Variants in ADAMTS3 observed in about 807,000 individuals in gnomAD.
The protein encoded by ADAMTS3 is ADAM metallopeptidase with thrombospondin type 1 motif 3.
Under a neutral mutation model 129.0 loss-of-function variants are expected in ADAMTS3, and 73 were observed. The observed-to-expected ratio is 0.57, with a 90% CI of 0.47 to 0.69. The LOEUF (loss-of-function observed/expected upper bound fraction) is 0.69, where lower values mean the gene tolerates loss of function less well. ADAMTS3 is among the 30% of genes least tolerant of loss of function. ADAMTS3 has a pLI of 0.00. For missense variants in ADAMTS3, 1,457 were observed against 1,514.5 expected (o/e 0.96, Z 0.63); for synonymous variants, 477 against 510.8 (o/e 0.93, Z 0.89).
chr4:72,470,361 T>TTATATATATATATATATATATA (rs143241307), intron 3 of ADAMTS3, among the ~76,000 whole-genome samples: 8 of 116,480 alleles, frequency 6.9e-5, no homozygotes, highest in African/African-American at 2.4e-4. Flanking sequence ...TATTTTAAGT[T>TTATATATATATATATATATATA]TATATATATA....
intron 3 of ADAMTS3, among the ~76,000 whole-genome samples, chr4:72,430,537 G>T (rs1722672440): frequency 6.6e-6 from 1 of 151,950 alleles, no homozygotes; most frequent in Non-Finnish European, 1.5e-5. Flanking sequence ...TCCCAGGCGA[G>T]GAACCCAGAC....
intron 21 of ADAMTS3, among the ~76,000 whole-genome samples, chr4:72,284,544 A>G (rs906438819): frequency 2.6e-5 from 4 of 152,176 alleles, no homozygotes; most frequent in Non-Finnish European, 5.9e-5. Context: ...AAATTTGGGT[A>G]AAGTATGCCA....
intron 3 of ADAMTS3, among the ~76,000 whole-genome samples, chr4:72,532,345 AT>A (rs1267897695): frequency 6.6e-6 from 1 of 152,166 alleles, no homozygotes; most frequent in East Asian, 1.9e-4. Context: ...CCTATTGCAT[AT>A]TCCTCAAATG....
At chr4:72,362,275 G>A (rs1209283181) in intron 4 of ADAMTS3, among the ~76,000 whole-genome samples, 1 of 152,044 alleles carries the variant, frequency 6.6e-6, no homozygotes, top group Non-Finnish European at 1.5e-5. Flanking sequence ...GAAGCAATGA[G>A]AAGTCAACTG....
At chr4:72,310,999 G>A (rs377403196) in intron 14 of ADAMTS3, 49 bp downstream of exon 14, 9 of 1,494,974 alleles carry the variant, frequency 6.0e-6, no homozygotes, top group Non-Finnish European at 8.1e-6. Context: ...ATGAATGACA[G>A]TAAACGTAGA....
At chr4:72,352,757 A>T (rs560177656) in intron 4 of ADAMTS3, among the ~76,000 whole-genome samples, 1 of 152,168 alleles carries the variant, frequency 6.6e-6, no homozygotes, top group African/African-American at 2.4e-5. Context: ...CACAGATATT[A>T]GACATGGAGA....
chr4:72,456,484 C>T (rs995401152), intron 3 of ADAMTS3, among the ~76,000 whole-genome samples: 1 of 147,598 alleles, frequency 6.8e-6, no homozygotes, highest in African/African-American at 2.5e-5. Flanking sequence ...AAGTTTCTGG[C>T]TCCACAAAAC....
intron 3 of ADAMTS3, among the ~76,000 whole-genome samples, chr4:72,467,128 C>T (rs928883943): frequency 8.5e-5 from 13 of 152,074 alleles, no homozygotes; most frequent in Non-Finnish European, 1.8e-4. Context: ...TTTCCATAGT[C>T]AGCCAAACCT....
intron 17 of ADAMTS3, among the ~76,000 whole-genome samples, chr4:72,302,612 C>T (rs983155110): frequency 6.6e-6 from 1 of 151,878 alleles, no homozygotes; most frequent in Admixed American, 6.6e-5. Flanking sequence ...GGGAAATTTA[C>T]CCAAATTTGG....
intron 3 of ADAMTS3, among the ~76,000 whole-genome samples, chr4:72,452,488 T>C (rs1216359213): frequency 6.6e-6 from 1 of 151,756 alleles, no homozygotes; most frequent in Non-Finnish European, 1.5e-5. Context: ...CTAGATATAA[T>C]TGTATGCTTG....
At chr4:72,519,700 A>T (rs1430387175) in intron 3 of ADAMTS3, among the ~76,000 whole-genome samples, 1 of 152,086 alleles carries the variant, frequency 6.6e-6, no homozygotes, top group Non-Finnish European at 1.5e-5. Context: ...AGCTCCTTTA[A>T]GCACTTCTCT....
At chr4:72,524,429 T>C (rs957947156) in intron 3 of ADAMTS3, among the ~76,000 whole-genome samples, 21 of 150,332 alleles carry the variant, frequency 1.4e-4, no homozygotes, top group Middle Eastern at 3.4e-3. Context: ...TATAACAAAC[T>C]GAGTACAGCT....
In ADAMTS3 at chr4:72,548,886, T is replaced by C. The variant is rs1306775971; in HGVS notation, c.98-2A>G. On this transcript the variant is annotated splice_acceptor_variant, in intron 2 of 21. Coordinates refer to ENST00000286657, the MANE Select transcript of ADAMTS3 (RefSeq NM_014243.3). LOFTEE classifies it high-confidence loss of function. Reference sequence around the variant, plus strand: ...CTCTATATCTCTTTATTGGTAAATCTGTGGGGTGAAAAACAGAACTGTCAA... The same window carrying C: ...CTCTATATCTCTTTATTGGTAAATCCGTGGGGTGAAAAACAGAACTGTCAA... 2.5e-6 allele frequency: 4 copies of C among 1,600,182 alleles called. No homozygotes were observed. Among genetic ancestry groups the C allele is most frequent in the Non-Finnish European group, 3.4e-6 (4 of 1,172,756 alleles).
chr4:72,325,454 C>T (rs988932049), intron 5 of ADAMTS3, among the ~76,000 whole-genome samples: 1 of 152,140 alleles, frequency 6.6e-6, no homozygotes, highest in Non-Finnish European at 1.5e-5. Context: ...GTCACCAACA[C>T]ATTCATTCAG....
At chr4:72,384,553 A>C (rs1721386159) in intron 4 of ADAMTS3, among the ~76,000 whole-genome samples, 1 of 152,216 alleles carries the variant, frequency 6.6e-6, no homozygotes, top group Non-Finnish European at 1.5e-5. Flanking sequence ...AAAAACTACC[A>C]AATTTGAATT....
chr4:72,300,292 A>C (rs913579735), intron 17 of ADAMTS3, among the ~76,000 whole-genome samples: 2 of 151,968 alleles, frequency 1.3e-5, no homozygotes, highest in African/African-American at 4.8e-5. Context: ...CCTAGCTACA[A>C]ATCTCCCTCT....
At chr4:72,539,719 T>C (rs1250905371) in intron 3 of ADAMTS3, among the ~76,000 whole-genome samples, 3 of 152,086 alleles carry the variant, frequency 2.0e-5, no homozygotes, top group African/African-American at 7.2e-5. Flanking sequence ...GTCTTTCCTG[T>C]GCTGTTCTCC....
At chr4:72,288,257 T>C (rs191972267) in intron 21 of ADAMTS3, among the ~76,000 whole-genome samples, 1 of 152,338 alleles carries the variant, frequency 6.6e-6, no homozygotes, top group East Asian at 1.9e-4. Flanking sequence ...AGGCAAATGC[T>C]GAATTTTATC....
At chr4:72,514,725 C>T (rs184441068) in intron 3 of ADAMTS3, among the ~76,000 whole-genome samples, 1 of 152,128 alleles carries the variant, frequency 6.6e-6, no homozygotes. Flanking sequence ...TTCTTACACA[C>T]AGACAAACCT....
Sources: allele counts gnomAD v4.1 joint callset (sites outside exome capture counted in the v4.1 genomes callset), GRCh38; gene constraint gnomAD v4.1.1; transcripts MANE v1.5; gene names NCBI Gene and HGNC (gene_info 2026-07-23, HGNC 2026-07-21).